COPS5: variants seen among roughly 807,000 people sequenced by gnomAD.
The protein encoded by COPS5 is COP9 signalosome subunit 5.
In COPS5, 8 loss-of-function variants were observed where a neutral mutation model predicts 44.4. The observed-to-expected ratio is 0.18, with a 90% confidence interval of 0.11 to 0.32. COPS5 has a LOEUF of 0.32. COPS5 is among the 10% of genes least tolerant of loss of function. COPS5 has a pLI of 1.00. For synonymous variants in COPS5, 122 were observed against 142.8 expected (o/e 0.85, Z 1.04); for missense variants, 159 against 406.4 (o/e 0.39, Z 5.23).
intron 5 of COPS5, among the ~76,000 whole-genome samples, chr8:67,052,382 G>A (rs1405000673): frequency 6.6e-6 from 1 of 151,762 alleles, no homozygotes; most frequent in Non-Finnish European, 1.5e-5. Flanking sequence ...CTATGCTGGG[G>A]TCTAGGTGGT....
intron 6 of COPS5, among the ~76,000 whole-genome samples, chr8:67,050,253 G>T (rs546199063): frequency 6.6e-6 from 1 of 151,860 alleles, no homozygotes; most frequent in African/African-American, 2.4e-5. Context: ...CGCCCGCCTC[G>T]GCCTCCCAAA....
At chr8:67,060,758 C>T in intron 1 of COPS5, 1 of 290,424 alleles carries the variant, frequency 3.4e-6, no homozygotes, top group Non-Finnish European at 6.9e-6. Context: ...CTGACTATTG[C>T]TCAGTTGAGA....
rs551245447 is a variant in COPS5, at chr8:67,058,611, C to T, written c.379-400G>A. ...ATGGATATACCATAATTTATTTAGC[C>T]AGTTTTATACTCAGGAACTGAGTTA... On this transcript the variant is annotated intron_variant, in intron 2 of 7. Transcript: ENST00000357849. Among the ~76,000 whole-genome samples the T allele has an allele frequency of 6.6e-5, 10 of 151,830 alleles. No individual in the cohort carries two copies. The South Asian group carries it at 1.5e-3, about 22-fold the overall frequency.
At chr8:67,052,419 A>ATGT (rs1554545118) in intron 5 of COPS5, among the ~76,000 whole-genome samples, 2 of 141,256 alleles carry the variant, frequency 1.4e-5, no homozygotes, top group African/African-American at 5.2e-5. Flanking sequence ...AAGGTTAAGA[A>ATGT]TTTTTTTTTT....
Position 67,061,749 on chromosome 8 carries a change from C to A in COPS5, c.143+105G>T, listed in dbSNP as rs7812572. On this transcript the variant is annotated intron_variant, in intron 1 of 7. Coordinates refer to ENST00000357849, the MANE Select transcript of COPS5 (RefSeq NM_006837.3). Reference sequence around the variant, plus strand: ...TCCAAGACGCATATTCTGTCCCCCTCCCAGTCGGTGAAAGCTCTTCACCCC... The same window carrying A: ...TCCAAGACGCATATTCTGTCCCCCTACCAGTCGGTGAAAGCTCTTCACCCC... 275,654 of 1,136,430 alleles carry A rather than the reference C, an allele frequency of 0.24. 37,823 individuals carry two copies. The highest frequency in any genetic ancestry group is 0.28 in the Non-Finnish European group (214,441 of 773,046). 70.4% of individuals were successfully genotyped at this position (1,136,430 alleles called of 1,614,324 possible).
At chr8:67,061,745 C>T in intron 1 of COPS5, 109 bp downstream of exon 1, 3 of 1,098,408 alleles carry the variant, frequency 2.7e-6, no homozygotes, top group Non-Finnish European at 4.0e-6. Flanking sequence ...TATTCTGTCC[C>T]CCTCCCAGTC....
At chr8:67,055,880 G>C (rs1388148862) in intron 5 of COPS5, among the ~76,000 whole-genome samples, 1 of 90,664 alleles carries the variant, frequency 1.1e-5, no homozygotes, top group East Asian at 4.2e-4. Context: ...GTGGGGGGAG[G>C]GTATGTAATA....
At chr8:67,046,064 C>A (rs1159716220) in intron 6 of COPS5, 104 bp from the exon 7 acceptor site, 2 of 1,137,256 alleles carry the variant, frequency 1.8e-6, no homozygotes. Flanking sequence ...ATTTCATTTG[C>A]AAAGAATTCC....
intron 6 of COPS5, among the ~76,000 whole-genome samples, chr8:67,048,715 C>CAAA (rs377157256): frequency 2.0e-4 from 13 of 63,744 alleles, no homozygotes; most frequent in Admixed American, 3.6e-4. Context: ...GACTCCATCT[C>CAAA]AAAAAAAAAA....
intron 1 of COPS5, 193 bp downstream of exon 1, chr8:67,061,661 T>C (rs753246856): frequency 3.3e-6 from 2 of 601,784 alleles, no homozygotes; most frequent in South Asian, 2.0e-5. Context: ...CGGGGGCAAA[T>C]GGATTAAAGC....
chr8:67,048,159 G>A (rs1384608621), intron 6 of COPS5, among the ~76,000 whole-genome samples: 1 of 151,904 alleles, frequency 6.6e-6, no homozygotes, highest in South Asian at 2.1e-4. Flanking sequence ...ACATCCTGTA[G>A]TCAGGAGGCC....
At chr8:67,058,399 T>C (rs1350268276) in intron 2 of COPS5, among the ~76,000 whole-genome samples, 188 bp from the exon 3 acceptor site, 2 of 152,240 alleles carry the variant, frequency 1.3e-5, no homozygotes, top group African/African-American at 4.8e-5. Flanking sequence ...ACAGAATACA[T>C]ATTCTTTGCA....
At chr8:67,057,027 A>C (rs929721159) in intron 4 of COPS5, among the ~76,000 whole-genome samples, 2 of 152,180 alleles carry the variant, frequency 1.3e-5, no homozygotes, top group African/African-American at 2.4e-5. Flanking sequence ...TTAATAAATA[A>C]AGACTGCTTT....
chr8:67,045,453 C>CAAAAAA (rs199646280), intron 7 of COPS5: 2 of 149,392 alleles, frequency 1.3e-5, no homozygotes, highest in Admixed American at 6.8e-5. Flanking sequence ...GATTCTGTCT[C>CAAAAAA]AAAAAAAAAA....
At chr8:67,057,848 G>C (rs1804534831) in intron 3 of COPS5, among the ~76,000 whole-genome samples, 1 of 152,164 alleles carries the variant, frequency 6.6e-6, no homozygotes, top group African/African-American at 2.4e-5. Context: ...TGATGAGCTG[G>C]CACTGAGACA....
Position 67,045,975 on chromosome 8 carries a change from G to A in COPS5, c.772-15C>T, listed in dbSNP as rs1174819276. On this transcript the variant is annotated splice_polypyrimidine_tract_variant and intron_variant, in intron 6 of 7. Coordinates refer to ENST00000357849, the MANE Select transcript of COPS5 (RefSeq NM_006837.3). ...TAGTCTGCATTCTGTGGGGAAAGTG[G>A]TATTGTGTCACTGCAAAACACAAGT... is the stretch of plus-strand genomic sequence containing the variant. 2.5e-6 allele frequency: 4 copies of A among 1,608,730 alleles called. No individual in the cohort carries two copies. The African/African-American group carries it at 5.4e-5, about 22-fold the overall frequency.
intron 1 of COPS5, chr8:67,061,547 A>C: frequency 2.3e-6 from 1 of 438,940 alleles, no homozygotes; most frequent in Non-Finnish European, 4.3e-6. Flanking sequence ...AACAAGGTGC[A>C]TGTCGACACT....
In COPS5 at chr8:67,059,175, T is replaced by C. The variant is rs556472884; in HGVS notation, c.378+36A>G. ...TCAAAAGTCACCTTGAGACTCTAACTTGCAATTACTAAACTATAAGAAACA... is the reference window on the plus strand; with the variant it reads ...TCAAAAGTCACCTTGAGACTCTAACCTGCAATTACTAAACTATAAGAAACA... On this transcript the variant is annotated intron_variant, in intron 2 of 7. Coordinates refer to ENST00000357849, the MANE Select transcript of COPS5 (RefSeq NM_006837.3). 3.9e-4 allele frequency: 576 copies of C among 1,495,738 alleles called. 4 individuals are homozygous for C. The South Asian group carries it at 6.2e-3, about 16-fold the overall frequency. 92.7% of individuals were successfully genotyped at this position (1,495,738 alleles called of 1,614,324 possible). A position where few individuals can be genotyped will look rare whatever the true frequency, so the allele number is the denominator to read the frequency against.
intron 5 of COPS5, among the ~76,000 whole-genome samples, chr8:67,053,273 CA>C (rs1333417782): frequency 1.3e-5 from 2 of 151,304 alleles, no homozygotes; most frequent in East Asian, 4.0e-4. Context: ...GTATTTTTAG[CA>C]GAGACAGGGT....
Sources: gnomAD v4.1 joint callset for allele counts (sites outside exome capture counted in the v4.1 genomes callset) on GRCh38, gnomAD v4.1.1 for gene constraint, MANE v1.5 for transcripts, NCBI Gene and HGNC (gene_info 2026-07-23, HGNC 2026-07-21) for gene names.